Variants in TMEM117 observed in about 807,000 individuals in gnomAD.
The protein encoded by TMEM117 is transmembrane protein 117.
A neutral mutation model predicts 52.4 loss-of-function variants in TMEM117; 27 were observed. The observed-to-expected ratio is 0.51, with a 90% confidence interval of 0.38 to 0.71. The LOEUF (loss-of-function observed/expected upper bound fraction) is 0.71, where lower values mean the gene tolerates loss of function less well. TMEM117 is among the 30% of genes least tolerant of loss of function. TMEM117 has a pLI of 0.00. For synonymous variants in TMEM117, 215 were observed against 206.3 expected, an observed-to-expected ratio of 1.04 and a Z score of -0.36; for missense variants, 556 against 630.5, an observed-to-expected ratio of 0.88 and a Z score of 1.26.
At chr12:44,231,804 G>A (rs1350126747) in intron 5 of TMEM117, among the ~76,000 whole-genome samples, 1 of 151,712 alleles carries the variant, frequency 6.6e-6, no homozygotes, top group Admixed American at 6.6e-5. Flanking sequence ...TTTCATAATA[G>A]AAGAGTTTTT....
intron 5 of TMEM117, among the ~76,000 whole-genome samples, chr12:44,297,113 C>T (rs1466270717): frequency 1.3e-5 from 2 of 152,148 alleles, no homozygotes; most frequent in East Asian, 1.9e-4. Context: ...TTGCTGACTC[C>T]TAGAATAGTT....
intron 3 of TMEM117, among the ~76,000 whole-genome samples, chr12:43,962,565 A>G (rs1194825439): frequency 3.3e-5 from 5 of 152,192 alleles, no homozygotes; most frequent in Non-Finnish European, 7.3e-5. Flanking sequence ...GAAGTATTGG[A>G]TTTTGATATA....
intron 3 of TMEM117, among the ~76,000 whole-genome samples, chr12:43,980,832 C>T (rs540710985): frequency 6.6e-6 from 1 of 152,092 alleles, no homozygotes; most frequent in African/African-American, 2.4e-5. Flanking sequence ...CCGAAGCCGG[C>T]GATGCTCACA....
chr12:44,126,642 C>T (rs900002396), intron 3 of TMEM117, among the ~76,000 whole-genome samples: 3 of 152,214 alleles, frequency 2.0e-5, no homozygotes, highest in Admixed American at 6.5e-5. Context: ...GTACACAGTG[C>T]GCTAGTTGCA....
At chr12:44,156,198 A>G (rs1052250491) in intron 4 of TMEM117, among the ~76,000 whole-genome samples, 2 of 152,138 alleles carry the variant, frequency 1.3e-5, no homozygotes, top group Non-Finnish European at 2.9e-5. Flanking sequence ...GGATTCAGAG[A>G]GACCTCAAGT....
upstream of TMEM117, among the ~76,000 whole-genome samples, chr12:43,835,039 T>A (rs1943006986): frequency 6.6e-6 from 1 of 152,210 alleles, no homozygotes; most frequent in Admixed American, 6.5e-5. Flanking sequence ...AATATGGGCA[T>A]ATAGAAATCC....
chr12:44,246,316 A>G (rs1044416370), intron 5 of TMEM117, among the ~76,000 whole-genome samples: 50 of 152,162 alleles, frequency 3.3e-4, no homozygotes, highest in African/African-American at 1.1e-3. Flanking sequence ...AAATAAATTT[A>G]TATGTTTTCT....
At chr12:43,920,707 C>A (rs1944680120) in intron 2 of TMEM117, among the ~76,000 whole-genome samples, 1 of 151,956 alleles carries the variant, frequency 6.6e-6, no homozygotes, top group South Asian at 2.1e-4. Flanking sequence ...GGTGCACCAC[C>A]ACACCTGGCT....
In TMEM117 at chr12:44,202,534, G is replaced by T. The variant is rs529097058; in HGVS notation, c.511-8756G>T. ...GGATTAGCTTTTTGATATTCTGCTG[G>T]ATTTGTTTGCTAGTATTTTGTTGAA... On this transcript the variant is annotated intron_variant, in intron 4 of 7. Coordinates refer to ENST00000266534, the MANE Select transcript of TMEM117 (RefSeq NM_032256.3). Among the ~76,000 whole-genome samples, 10 of 152,230 alleles carry T rather than the reference G, an allele frequency of 6.6e-5. No individual in the cohort carries two copies. In the East Asian group the frequency reaches 1.7e-3, roughly 27 times the overall value.
At position 44,006,048 on chromosome 12, in the gene TMEM117, G is replaced by A. The variant is rs150452944; in HGVS notation, c.410+61706G>A. On this transcript the variant is annotated intron_variant, in intron 3 of 7. Coordinates refer to ENST00000266534, the MANE Select transcript of TMEM117 (RefSeq NM_032256.3). ...ATGTCTTTATCAGCAGCATGAAAACGGACTAATACATAGGGTTGTAGCGGA... is the reference window on the plus strand; with the variant it reads ...ATGTCTTTATCAGCAGCATGAAAACAGACTAATACATAGGGTTGTAGCGGA... 4.1e-4 allele frequency among the ~76,000 whole-genome samples: 62 copies of A among 152,200 alleles called. 2 individuals carry two copies. The highest frequency in any genetic ancestry group is 1.2e-3 in the African/African-American group (49 of 41,520).
At chr12:44,178,903 G>T (rs927256824) in intron 4 of TMEM117, among the ~76,000 whole-genome samples, 7 of 152,098 alleles carry the variant, frequency 4.6e-5, no homozygotes, top group African/African-American at 1.7e-4. Flanking sequence ...TGTAAAAACT[G>T]CTTTATATGG....
chr12:44,115,524 A>G (rs1425225918), intron 3 of TMEM117, among the ~76,000 whole-genome samples: 1 of 150,986 alleles, frequency 6.6e-6, no homozygotes, highest in Admixed American at 6.6e-5. Context: ...AGAATCTAAG[A>G]CTCAAATAGT....
intron 4 of TMEM117, among the ~76,000 whole-genome samples, chr12:44,188,999 G>A (rs1165100496): frequency 2.0e-5 from 3 of 151,938 alleles, no homozygotes; most frequent in Non-Finnish European, 4.4e-5. Context: ...CATATAATGT[G>A]TAAAGATCAA....
intron 6 of TMEM117, among the ~76,000 whole-genome samples, chr12:44,323,310 A>G (rs1161079528): frequency 1.3e-5 from 2 of 152,180 alleles, no homozygotes; most frequent in East Asian, 3.8e-4. Context: ...CAGCAGGAAT[A>G]GGAAACTAAT....
intron 4 of TMEM117, among the ~76,000 whole-genome samples, chr12:44,177,815 C>T (rs1381205632): frequency 6.6e-6 from 1 of 152,084 alleles, no homozygotes; most frequent in South Asian, 2.1e-4. Context: ...TGCTTCGATG[C>T]CTCCAATAAT....
chr12:43,983,082 C>T (rs1296129890), intron 3 of TMEM117, among the ~76,000 whole-genome samples: 1 of 152,176 alleles, frequency 6.6e-6, no homozygotes, highest in Non-Finnish European at 1.5e-5. Context: ...GCCAGCAATT[C>T]AGGCTGGGCT....
At chr12:44,000,630 C>T (rs12320155) in intron 3 of TMEM117, among the ~76,000 whole-genome samples, 7,876 of 152,230 alleles carry the variant, frequency 0.052, 350 homozygotes, top group African/African-American at 0.11. Flanking sequence ...ACTGTACCTC[C>T]GGGACACTGG....
rs529127895 is a variant in TMEM117, at chr12:44,048,692, C to T, written c.411-94833C>T. On this transcript the variant is annotated intron_variant, in intron 3 of 7. Transcript: ENST00000266534. Reference sequence around the variant, plus strand: ...TCCTAGTAAGTTAGCATATCCATTGCGTGAGAGTATTTTTAGCGTGATAGA... The same window carrying T: ...TCCTAGTAAGTTAGCATATCCATTGTGTGAGAGTATTTTTAGCGTGATAGA... Among the ~76,000 whole-genome samples the T allele has an allele frequency of 3.2e-4, 48 of 152,200 alleles. 1 individual carries two copies. The South Asian group carries it at 6.4e-3, about 20-fold the overall frequency.
At chr12:43,899,965 G>T (rs149845676) in intron 2 of TMEM117, among the ~76,000 whole-genome samples, 97 of 152,272 alleles carry the variant, frequency 6.4e-4, no homozygotes, top group African/African-American at 2.2e-3. Context: ...GACAAAATTG[G>T]TAAGCATTCA....
Sources: allele counts gnomAD v4.1 joint callset (sites outside exome capture counted in the v4.1 genomes callset), GRCh38; gene constraint gnomAD v4.1.1; transcripts MANE v1.5; gene names NCBI Gene and HGNC (gene_info 2026-07-23, HGNC 2026-07-21).